The following RAD51B variants were observed in gnomAD, a reference collection of about 807,000 sequenced individuals.
RAD51B encodes the protein RAD51 paralog B.
A neutral mutation model predicts 42.2 loss-of-function variants in RAD51B; 38 were observed. That is an observed-to-expected ratio of 0.90 (90% CI 0.70 to 1.18). The LOEUF (loss-of-function observed/expected upper bound fraction) is 1.18. RAD51B is among the 50% of genes most tolerant of loss of function. The pLI, the probability that RAD51B is intolerant of heterozygous loss-of-function variation, is 0.00. For missense variants in RAD51B, 373 were observed against 400.7 expected (o/e 0.93, Z 0.59); for synonymous variants, 154 against 145.2 (o/e 1.06, Z -0.43).
intron 7 of RAD51B, among the ~76,000 whole-genome samples, chr14:68,028,197 T>G (rs1019286496): frequency 1.3e-5 from 2 of 152,232 alleles, no homozygotes; most frequent in Admixed American, 1.3e-4. Context: ...CTTCTTTGTA[T>G]TTCCTCATGT....
At chr14:68,455,890 A>G (rs2085673568) in intron 9 of RAD51B, among the ~76,000 whole-genome samples, 1 of 151,074 alleles carries the variant, frequency 6.6e-6, no homozygotes, top group African/African-American at 2.4e-5. Flanking sequence ...AGATGGGCTT[A>G]TAATGTATAA....
chr14:68,093,600 T>C (rs2077141245), intron 7 of RAD51B, among the ~76,000 whole-genome samples: 1 of 152,176 alleles, frequency 6.6e-6, no homozygotes, highest in Non-Finnish European at 1.5e-5. Flanking sequence ...TTTTCTTCTT[T>C]ATTAGTCTTG....
intron 7 of RAD51B, among the ~76,000 whole-genome samples, chr14:68,166,889 C>T (rs1383437080): frequency 6.6e-6 from 1 of 152,090 alleles, no homozygotes; most frequent in African/African-American, 2.4e-5. Context: ...AACCCTCACC[C>T]CATTTCCTCA....
intron 7 of RAD51B, among the ~76,000 whole-genome samples, chr14:68,245,349 T>TAAC (rs2080473733): frequency 6.6e-6 from 1 of 152,232 alleles, no homozygotes; most frequent in African/African-American, 2.4e-5. Flanking sequence ...GATGTATTAG[T>TAAC]AACACATGGA....
intron 10 of RAD51B, among the ~76,000 whole-genome samples, chr14:68,483,571 C>G (rs1322073911): frequency 6.6e-6 from 1 of 152,186 alleles, no homozygotes; most frequent in Non-Finnish European, 1.5e-5. Context: ...GACCATCATG[C>G]CTTGTGTGAA....
chr14:68,308,648 C>T (rs1210830062), intron 8 of RAD51B, among the ~76,000 whole-genome samples: 1 of 134,752 alleles, frequency 7.4e-6, no homozygotes, highest in Non-Finnish European at 1.5e-5. Flanking sequence ...CTTCCCAGTT[C>T]TATGATTTGA....
chr14:68,640,843 A>G (rs960342138), intron 10 of RAD51B, among the ~76,000 whole-genome samples: 1 of 152,152 alleles, frequency 6.6e-6, no homozygotes, highest in African/African-American at 2.4e-5. Context: ...ATCTAGGTGT[A>G]TGTTGGGGTG....
chr14:67,853,171 G>C (rs1380121980), intron 4 of RAD51B, among the ~76,000 whole-genome samples: 1 of 152,314 alleles, frequency 6.6e-6, no homozygotes, highest in East Asian at 1.9e-4. Flanking sequence ...CTCAGACCTA[G>C]AGCTGCAGAG....
intron 8 of RAD51B, among the ~76,000 whole-genome samples, chr14:68,300,146 ATAT>A (rs2081697368): frequency 1.3e-5 from 2 of 152,168 alleles, no homozygotes; most frequent in African/African-American, 4.8e-5. Flanking sequence ...AGCTGAGCAG[ATAT>A]TATAAGTTTG....
downstream of RAD51B, among the ~76,000 whole-genome samples, chr14:68,598,001 T>C (rs542207819): frequency 1.3e-5 from 2 of 152,140 alleles, no homozygotes; most frequent in African/African-American, 4.8e-5. Context: ...TTTGTTAAAG[T>C]GGGGACCAGC....
intron 7 of RAD51B, among the ~76,000 whole-genome samples, chr14:68,125,721 A>G (rs1230549284): frequency 1.3e-5 from 2 of 152,010 alleles, no homozygotes; most frequent in African/African-American, 4.8e-5. Flanking sequence ...CATTGTAACC[A>G]TGTAGGTATT....
chr14:68,682,541 T>C (rs1893453312), intron 11 of RAD51B, among the ~76,000 whole-genome samples: 1 of 152,252 alleles, frequency 6.6e-6, no homozygotes, highest in Non-Finnish European at 1.5e-5. Context: ...TAATAACTTT[T>C]GCTTACACCA....
intron 9 of RAD51B, among the ~76,000 whole-genome samples, chr14:68,428,324 T>C (rs2140127026): frequency 6.6e-6 from 1 of 152,336 alleles, no homozygotes; most frequent in African/African-American, 2.4e-5. Context: ...TTCTAACTCT[T>C]CCAATTTTTT....
intron 7 of RAD51B, among the ~76,000 whole-genome samples, chr14:68,017,778 C>T (rs1313232347): frequency 6.6e-6 from 1 of 151,920 alleles, no homozygotes; most frequent in Non-Finnish European, 1.5e-5. Flanking sequence ...TGAGACCATC[C>T]TGGCCAACTT....
chr14:68,425,975 T>TCTTTCTTCCTTCCTTCCTTC (rs1555407995), intron 9 of RAD51B, among the ~76,000 whole-genome samples: 63 of 86,042 alleles, frequency 7.3e-4, no homozygotes, highest in Admixed American at 1.2e-3. Flanking sequence ...TTTCTTTCTT[T>TCTTTCTTCCTTCCTTCCTTC]CTTCCTTCCT....
chr14:68,124,062 T>A (rs538471594), intron 7 of RAD51B, among the ~76,000 whole-genome samples: 32 of 152,230 alleles, frequency 2.1e-4, no homozygotes, highest in Admixed American at 1.9e-3. Flanking sequence ...TCTGGCAAAT[T>A]GATGTGTGGG....
intron 10 of RAD51B, chr14:68,562,534 C>T (rs1889208546): frequency 1.0e-6 from 1 of 985,286 alleles, no homozygotes; most frequent in Non-Finnish European, 1.2e-6. Context: ...GCACCCACAG[C>T]CATGTTTTGG....
chr14:67,974,343 G>A (rs1343020832), intron 7 of RAD51B, among the ~76,000 whole-genome samples: 1 of 152,046 alleles, frequency 6.6e-6, no homozygotes, highest in African/African-American at 2.4e-5. Context: ...ATGTTTAAAA[G>A]CCATTGTTTT....
At chr14:67,973,870 T>C (rs529314110) in intron 7 of RAD51B, among the ~76,000 whole-genome samples, 1 of 152,294 alleles carries the variant, frequency 6.6e-6, no homozygotes, top group African/African-American at 2.4e-5. Flanking sequence ...TTATTTTAAA[T>C]GTTAATTTTT....
Sources: gnomAD v4.1 joint callset for allele counts (sites outside exome capture counted in the v4.1 genomes callset) on GRCh38, gnomAD v4.1.1 for gene constraint, MANE v1.5 for transcripts, NCBI Gene and HGNC (gene_info 2026-07-23, HGNC 2026-07-21) for gene names.